Variants in EPHA5 observed in about 807,000 individuals in gnomAD.
EPHA5 encodes the protein ephrin type-A receptor 5.
EPHA5 carries 60 observed loss-of-function variants against 105.0 expected under a neutral mutation model. That is an observed-to-expected ratio of 0.57 (90% CI 0.46 to 0.71). The LOEUF (loss-of-function observed/expected upper bound fraction) is 0.71. EPHA5 is among the 30% of genes least tolerant of loss of function. EPHA5 has a pLI of 0.00. For synonymous variants in EPHA5, 513 were observed against 449.1 expected (o/e 1.14, Z -1.80); for missense variants, 1,218 against 1,274.7 (o/e 0.96, Z 0.68).
intron 8 of EPHA5, among the ~76,000 whole-genome samples, chr4:65,393,156 C>T (rs1376345492): frequency 6.6e-6 from 1 of 152,088 alleles, no homozygotes; most frequent in Admixed American, 6.6e-5. Flanking sequence ...TTTTTCCAAG[C>T]AAATGGAGGA....
chr4:65,484,447 G>A (rs1730683358), intron 5 of EPHA5, among the ~76,000 whole-genome samples: 1 of 152,072 alleles, frequency 6.6e-6, no homozygotes, highest in Non-Finnish European at 1.5e-5. Context: ...CACCTACCTT[G>A]GTGTTATTTC....
chr4:65,669,523 C>G (rs1750266478), intron 1 of EPHA5, 39 bp downstream of exon 1: 3 of 1,342,160 alleles, frequency 2.2e-6, no homozygotes, highest in Admixed American at 3.2e-5. Flanking sequence ...CTAGCCCCTC[C>G]GCCCCAGGTC....
rs369926433 is a variant in EPHA5, at chr4:65,546,540, G to T, written c.911-50997C>A. ...TTTTTCTCAAATAGTTTTCTCTGTA[G>T]TTCAATATGTTCTGAGTGAGACATA... On this transcript the variant is annotated intron_variant, in intron 3 of 16. Transcript: ENST00000613740. 4.7e-4 allele frequency among the ~76,000 whole-genome samples: 72 copies of T among 151,880 alleles called. 1 individual carries two copies. In the South Asian group the frequency reaches 0.015, roughly 31 times the overall value.
At chr4:65,568,130 C>G (rs2149369602) in intron 3 of EPHA5, among the ~76,000 whole-genome samples, 1 of 151,502 alleles carries the variant, frequency 6.6e-6, no homozygotes, top group South Asian at 2.1e-4. Context: ...ATTTTATCTG[C>G]TCTAGAGAAA....
intron 8 of EPHA5, 68 bp downstream of exon 8, chr4:65,404,306 C>CAAAT: frequency 7.4e-7 from 1 of 1,357,404 alleles, no homozygotes; most frequent in South Asian, 1.2e-5. Flanking sequence ...GCTCAACAGC[C>CAAAT]AAATGGTCAG....
intron 3 of EPHA5, among the ~76,000 whole-genome samples, chr4:65,598,869 G>T (rs1020081297): frequency 6.6e-6 from 1 of 152,000 alleles, no homozygotes; most frequent in African/African-American, 2.4e-5. Flanking sequence ...TTTAAGATGA[G>T]ACATGAAAGA....
rs577500588 is a variant in EPHA5 at position 65,630,274 on chromosome 4, G to A, written c.246+13089C>T. ...CCCTATGAGATCTCAAGAGTTGGGC[G>A]GGTGGGCTCAAGCATGTTCATTATG... On this transcript the variant is annotated intron_variant, in intron 2 of 16. Coordinates refer to ENST00000613740, the MANE Select transcript of EPHA5 (RefSeq NM_001281766.3). Among the ~76,000 whole-genome samples the A allele has an allele frequency of 2.2e-4, 34 of 152,214 alleles. 1 individual carries two copies. The highest frequency in any genetic ancestry group is 6.5e-4 in the African/African-American group (27 of 41,546).
intron 5 of EPHA5, among the ~76,000 whole-genome samples, chr4:65,488,249 T>TA (rs1358892254): frequency 6.6e-6 from 1 of 152,154 alleles, no homozygotes; most frequent in African/African-American, 2.4e-5. Context: ...AATACATCAT[T>TA]AAAAAATAAA....
At chr4:65,631,722 AAAACTTAAAG>A (rs145044412) in intron 2 of EPHA5, among the ~76,000 whole-genome samples, 58 of 87,740 alleles carry the variant, frequency 6.6e-4, no homozygotes, top group Middle Eastern at 9.3e-3. Context: ...CATGTACCCT[AAAACTTAAAG>A]TATAATAATA....
chr4:65,353,713 A>G (rs918563865), intron 11 of EPHA5, among the ~76,000 whole-genome samples: 1 of 151,796 alleles, frequency 6.6e-6, no homozygotes, highest in African/African-American at 2.4e-5. Flanking sequence ...ACTCCATCCT[A>G]TCTAACTGCC....
chr4:65,465,113 C>T (rs970359650), intron 5 of EPHA5, among the ~76,000 whole-genome samples: 12 of 151,938 alleles, frequency 7.9e-5, no homozygotes, highest in South Asian at 2.1e-4. Flanking sequence ...GACAGCTTCC[C>T]GAAAGGAGTC....
chr4:65,601,204 G>A (rs1474301109), intron 3 of EPHA5, among the ~76,000 whole-genome samples: 1 of 151,950 alleles, frequency 6.6e-6, no homozygotes, highest in African/African-American at 2.4e-5. Flanking sequence ...TTTTTAAAAG[G>A]CAGTTAAAAA....
chr4:65,404,196 TA>T (rs1424022566), intron 8 of EPHA5, among the ~76,000 whole-genome samples, 177 bp downstream of exon 8: 3 of 152,132 alleles, frequency 2.0e-5, no homozygotes, highest in Non-Finnish European at 4.4e-5. Flanking sequence ...ATTGTGGGCT[TA>T]AAAAATATCA....
chr4:65,399,855 T>C (rs10007282), intron 8 of EPHA5, among the ~76,000 whole-genome samples: 10,696 of 152,198 alleles, frequency 0.07, 592 homozygotes, highest in African/African-American at 0.15. Flanking sequence ...ATGAAGGTTG[T>C]ATTGAGAAAG....
intron 3 of EPHA5, among the ~76,000 whole-genome samples, chr4:65,547,727 C>T (rs772161570): frequency 4.6e-5 from 7 of 151,926 alleles, no homozygotes; most frequent in Non-Finnish European, 2.9e-5. Context: ...GTTAATTGGC[C>T]CTTTTGACAA....
chr4:65,354,315 T>C (rs1392366364), intron 11 of EPHA5, among the ~76,000 whole-genome samples: 1 of 151,838 alleles, frequency 6.6e-6, no homozygotes, highest in Non-Finnish European at 1.5e-5. Flanking sequence ...AATTGTGACA[T>C]TTCATACCTA....
intron 1 of EPHA5, among the ~76,000 whole-genome samples, chr4:65,654,620 ACTAT>A (rs1248867918): frequency 2.0e-5 from 3 of 150,476 alleles, no homozygotes; most frequent in Non-Finnish European, 4.4e-5. Flanking sequence ...TCAGGATGTA[ACTAT>A]CTAAGTTAAC....
intron 13 of EPHA5, among the ~76,000 whole-genome samples, chr4:65,348,973 G>T (rs1025671510): frequency 1.3e-5 from 2 of 150,500 alleles, no homozygotes; most frequent in Non-Finnish European, 3.0e-5. Context: ...GCGCTATCAT[G>T]CCTGGCTAAT....
At chr4:65,423,865 C>T (rs1185330335) in intron 5 of EPHA5, among the ~76,000 whole-genome samples, 1 of 151,876 alleles carries the variant, frequency 6.6e-6, no homozygotes, top group Non-Finnish European at 1.5e-5. Context: ...GGTGCCATTG[C>T]TTCTAAGCCC....
Sources: gnomAD v4.1 joint callset for allele counts (sites outside exome capture counted in the v4.1 genomes callset) on GRCh38, gnomAD v4.1.1 for gene constraint, MANE v1.5 for transcripts, NCBI Gene and HGNC (gene_info 2026-07-23, HGNC 2026-07-21) for gene names.